The following CFTR variants were observed in gnomAD, a reference collection of about 807,000 sequenced individuals.
CFTR encodes cystic fibrosis transmembrane conductance regulator.
CFTR carries 181 observed loss-of-function variants against 171.6 expected under a neutral mutation model. The observed-to-expected ratio is 1.05, with a 90% CI of 0.93 to 1.19. CFTR has a LOEUF of 1.19. Ranked by LOEUF, CFTR falls within the 50% of genes most tolerant of loss-of-function variation. CFTR has a pLI of 0.00. For missense variants in CFTR, 1,968 were observed against 1,734.7 expected, an observed-to-expected ratio of 1.13 and a Z score of -2.39; for synonymous variants, 583 against 608.0, an observed-to-expected ratio of 0.96 and a Z score of 0.60.
At chr7:117,501,607 C>T in intron 1 of CFTR, among the ~76,000 whole-genome samples, 1 of 151,156 alleles carries the variant, frequency 6.6e-6, no homozygotes, top group East Asian at 1.9e-4. Context: ...AATAGCCGGG[C>T]ATGGTGGTGC....
At position 117,649,497 on chromosome 7, in the gene CFTR, G is replaced by GTA. The variant is rs755073383; in HGVS notation, c.3874-3323_3874-3322dup. On this transcript the variant is annotated intron_variant, in intron 23 of 26. Coordinates refer to ENST00000003084, the MANE Select transcript of CFTR (RefSeq NM_000492.4). The stretch of plus-strand genomic sequence containing the variant: ...ACATATATATATAGTGTGTGTGTGT[G>GTA]TATATATATATATATATATATATTT... Among the ~76,000 whole-genome samples the GTA allele has an allele frequency of 2.1e-3, 290 of 139,362 alleles. 1 individual carries two copies. The East Asian group carries it at 0.024, about 11-fold the overall frequency. 91.4% of individuals were successfully genotyped at this position (139,362 alleles called of 152,430 possible).
At position 117,649,361 on chromosome 7, in the gene CFTR, GATAT is replaced by G. The variant is rs769699216; in HGVS notation, c.3874-3473_3874-3470del. Among the ~76,000 whole-genome samples, 13 of 144,954 alleles carry G rather than the reference GATAT, an allele frequency of 9.0e-5. No individual in the cohort carries two copies. The East Asian group carries it at 1.4e-3, about 16-fold the overall frequency. ...AGATATATATATCTACACACATCTA[GATAT>G]ATATATACATGTATATCTATATATA... On this transcript the variant is annotated intron_variant, in intron 23 of 26. Transcript: ENST00000003084.
intron 1 of CFTR, among the ~76,000 whole-genome samples, chr7:117,481,909 G>A (rs746955194): frequency 6.6e-6 from 1 of 152,174 alleles, no homozygotes; most frequent in Non-Finnish European, 1.5e-5. Flanking sequence ...GTTGCCTGAG[G>A]CAGGTCCCTT....
intron 23 of CFTR, among the ~76,000 whole-genome samples, chr7:117,642,878 T>C (rs1334293533): frequency 1.3e-5 from 2 of 152,166 alleles, no homozygotes; most frequent in African/African-American, 4.8e-5. Context: ...CTCTTTTTTG[T>C]TCCTGCTTCA....
At chr7:117,553,712 AT>A (rs1428322865) in intron 10 of CFTR, among the ~76,000 whole-genome samples, 2 of 152,240 alleles carry the variant, frequency 1.3e-5, no homozygotes, top group African/African-American at 2.4e-5. Flanking sequence ...ATATAAAGTG[AT>A]CCTAGAATCA....
chr7:117,600,686 G>A (rs1214778837), intron 15 of CFTR, among the ~76,000 whole-genome samples: 1 of 151,894 alleles, frequency 6.6e-6, no homozygotes, highest in Non-Finnish European at 1.5e-5. Flanking sequence ...ATTGAAATCT[G>A]GGTATTAAGC....
At position 117,591,943 on chromosome 7, in the gene CFTR, T is replaced by C; in HGVS notation, c.1776T>C (p.Cys592=). 1 of 1,580,738 alleles carries C rather than the reference T, an allele frequency of 6.3e-7. No individual in the cohort carries two copies. Among genetic ancestry groups the C allele is most frequent in the Non-Finnish European group, 8.6e-7 (1 of 1,162,370 alleles). The change falls in exon 14 of 27, where the codon TGT becomes TGC. Residue 592 remains cysteine (C), a synonymous_variant. Coordinates refer to ENST00000003084, the MANE Select transcript of CFTR (RefSeq NM_000492.4). ...TEKEIFESCV[C]KLMANKTRIL... ...TTTTTATATCTTAAAGCTGTGTCTG[T>C]AAACTGATGGCTAACAAAACTAGGA...
intron 22 of CFTR, among the ~76,000 whole-genome samples, chr7:117,638,555 G>T (rs1333908364): frequency 6.6e-6 from 1 of 151,902 alleles, no homozygotes; most frequent in African/African-American, 2.4e-5. Context: ...GGTCAACATG[G>T]TAAAACCCTG....
intron 9 of CFTR, among the ~76,000 whole-genome samples, chr7:117,543,623 A>G (rs1267378034): frequency 6.6e-6 from 1 of 152,200 alleles, no homozygotes; most frequent in African/African-American, 2.4e-5. Flanking sequence ...CAAAAAGTTT[A>G]GGGACTTGGC....
intron 26 of CFTR, among the ~76,000 whole-genome samples, chr7:117,666,363 A>G (rs781699029): frequency 7.9e-5 from 12 of 152,200 alleles, no homozygotes; most frequent in Non-Finnish European, 1.8e-4. Context: ...TGTTATTACC[A>G]TGATTATCAC....
chr7:117,501,334 G>A (rs188144529), intron 1 of CFTR, among the ~76,000 whole-genome samples: 1 of 152,146 alleles, frequency 6.6e-6, no homozygotes, highest in South Asian at 2.1e-4. Context: ...CTTTCCAGCT[G>A]AGCTGATTTT....
At chr7:117,603,241 T>TCTGTTC (rs1403887687) in intron 16 of CFTR, among the ~76,000 whole-genome samples, 1 of 152,210 alleles carries the variant, frequency 6.6e-6, no homozygotes, top group Non-Finnish European at 1.5e-5. Context: ...CTAAAGAATA[T>TCTGTTC]AGTTCTGTTC....
At chr7:117,560,416 A>AC (rs1562898770) in intron 11 of CFTR, among the ~76,000 whole-genome samples, 1 of 152,140 alleles carries the variant, frequency 6.6e-6, no homozygotes, top group East Asian at 1.9e-4. Context: ...AGTATACTCC[A>AC]AATAGTGTTT....
chr7:117,606,803 A>G (rs774872016), intron 18 of CFTR, 50 bp downstream of exon 18: 2 of 1,024,680 alleles, frequency 2.0e-6, no homozygotes, highest in Admixed American at 1.7e-5. Context: ...TAAAAAAACA[A>G]TAACAAAAGC....
At chr7:117,654,471 G>A (rs1230022297) in intron 24 of CFTR, among the ~76,000 whole-genome samples, 2 of 151,862 alleles carry the variant, frequency 1.3e-5, no homozygotes, top group South Asian at 2.1e-4. Flanking sequence ...CCCAAATCTT[G>A]TCTTGAATTA....
At chr7:117,558,792 T>C (rs1799405492) in intron 10 of CFTR, among the ~76,000 whole-genome samples, 3 of 152,190 alleles carry the variant, frequency 2.0e-5, no homozygotes, top group South Asian at 4.1e-4. Context: ...TCCACACTTA[T>C]ACCCCATTTC....
At chr7:117,483,710 G>A (rs375211090) in intron 1 of CFTR, among the ~76,000 whole-genome samples, 1 of 151,740 alleles carries the variant, frequency 6.6e-6, no homozygotes, top group African/African-American at 2.4e-5. Flanking sequence ...AGGTGTACAG[G>A]TGTGTACCAC....
At chr7:117,606,826 G>A (rs1005284884) in intron 18 of CFTR, 73 bp downstream of exon 18, 3 of 925,008 alleles carry the variant, frequency 3.2e-6, no homozygotes, top group Non-Finnish European at 5.4e-6. Flanking sequence ...ATGTGATTTT[G>A]TTTTCATTTT....
At chr7:117,553,828 T>C (rs1799309372) in intron 10 of CFTR, among the ~76,000 whole-genome samples, 2 of 152,044 alleles carry the variant, frequency 1.3e-5, no homozygotes, top group Admixed American at 6.6e-5. Context: ...AAAGGTAACA[T>C]TTGAACAAAG....
Sources: gnomAD v4.1 joint callset for allele counts (sites outside exome capture counted in the v4.1 genomes callset) on GRCh38, gnomAD v4.1.1 for gene constraint, MANE v1.5 for transcripts, NCBI Gene and HGNC (gene_info 2026-07-23, HGNC 2026-07-21) for gene names.